Variants in AFF3 observed in about 807,000 individuals in gnomAD.
AFF3 encodes the protein ALF transcription elongation factor 3.
AFF3 carries 32 observed loss-of-function variants against 129.7 expected under a neutral mutation model. The ratio of observed to expected loss-of-function variants is 0.25; its 90% CI spans 0.19 to 0.33. The LOEUF is 0.33. Among genes scored for constraint, AFF3 ranks in the 10% least tolerant of loss-of-function variants. The pLI is 1.00. For synonymous variants in AFF3, 644 were observed against 635.4 expected (o/e 1.01, Z -0.20); for missense variants, 1,373 against 1,592.0 (o/e 0.86, Z 2.34).
chr2:99,567,951 AAGAGCT>A (rs1457565752), intron 19 of AFF3, among the ~76,000 whole-genome samples: 1 of 152,208 alleles, frequency 6.6e-6, no homozygotes, highest in Non-Finnish European at 1.5e-5. Flanking sequence ...TTGTGTGGAC[AAGAGCT>A]GTACCTTCCG....
rs137881078 is a variant in AFF3 at position 99,975,659 on chromosome 2, G to A, written c.873+30973C>T. Among the ~76,000 whole-genome samples the A allele has an allele frequency of 6.5e-3, 983 of 151,838 alleles. 9 individuals carry two copies. The highest frequency in any genetic ancestry group is 0.01 in the Non-Finnish European group (711 of 67,966). On this transcript the variant is annotated intron_variant, in intron 7 of 24. Transcript: ENST00000672756. ...TTACTGCACCAGTGTTTGGAGCTCA[G>A]CAGCTGAGATGGGGTGAGTAACACA...
intron 8 of AFF3, among the ~76,000 whole-genome samples, chr2:99,826,266 C>T (rs1318086601): frequency 5.3e-5 from 8 of 152,132 alleles, no homozygotes; most frequent in African/African-American, 1.2e-4. Flanking sequence ...CCACCTGCCT[C>T]GGCCTCCCAA....
chr2:99,983,835 G>A (rs1679618316), intron 7 of AFF3, among the ~76,000 whole-genome samples: 2 of 152,030 alleles, frequency 1.3e-5, no homozygotes, highest in Non-Finnish European at 2.9e-5. Context: ...TTGTACTACA[G>A]AGCTCCGAAA....
chr2:99,881,505 A>G (rs1692715422), intron 7 of AFF3, among the ~76,000 whole-genome samples: 1 of 151,870 alleles, frequency 6.6e-6, no homozygotes, highest in Admixed American at 6.6e-5. Flanking sequence ...GTACTTGAAC[A>G]CTTTATGGGG....
chr2:100,125,399 A>G (rs1350347073), intron 2 of AFF3, among the ~76,000 whole-genome samples: 1 of 152,204 alleles, frequency 6.6e-6, no homozygotes, highest in Non-Finnish European at 1.5e-5. Context: ...GCAAGACCAG[A>G]AGAATAGAGA....
chr2:100,133,777 A>G (rs1259816891), intron 1 of AFF3, among the ~76,000 whole-genome samples: 3 of 152,078 alleles, frequency 2.0e-5, no homozygotes, highest in Non-Finnish European at 4.4e-5. Flanking sequence ...CTAAACATAC[A>G]CAAAAATTAC....
intron 11 of AFF3, among the ~76,000 whole-genome samples, chr2:99,714,120 C>T (rs1444208028): frequency 6.6e-6 from 1 of 152,202 alleles, no homozygotes; most frequent in Admixed American, 6.5e-5. Flanking sequence ...TCATTTCCAA[C>T]AGACATTCCT....
chr2:100,117,294 A>G (rs762011389), intron 2 of AFF3, among the ~76,000 whole-genome samples: 3 of 152,040 alleles, frequency 2.0e-5, no homozygotes, highest in Non-Finnish European at 4.4e-5. Flanking sequence ...CTGTCTTTCT[A>G]TCTTTTACTT....
At chr2:100,128,885 G>A (rs935611784) in intron 2 of AFF3, among the ~76,000 whole-genome samples, 3 of 152,142 alleles carry the variant, frequency 2.0e-5, no homozygotes, top group Non-Finnish European at 2.9e-5. Context: ...GTCTCAGCAC[G>A]GAGATATTTA....
intron 7 of AFF3, among the ~76,000 whole-genome samples, chr2:99,955,266 G>A (rs1676530431): frequency 6.6e-6 from 1 of 152,140 alleles, no homozygotes; most frequent in Non-Finnish European, 1.5e-5. Flanking sequence ...ACAAAGCACA[G>A]CACTCCTATT....
intron 18 of AFF3, among the ~76,000 whole-genome samples, chr2:99,575,536 C>T (rs1454939470): frequency 4.6e-4 from 69 of 151,646 alleles, no homozygotes; most frequent in Non-Finnish European, 1.5e-5. Flanking sequence ...GCTGGGATTA[C>T]AGGCATGAGC....
intron 8 of AFF3, among the ~76,000 whole-genome samples, chr2:99,803,906 T>C (rs140097623): frequency 8.5e-5 from 13 of 152,218 alleles, no homozygotes; most frequent in African/African-American, 3.1e-4. Flanking sequence ...TGGATTCTTA[T>C]CTCTAACCAT....
chr2:99,576,649 G>A (rs1677028000), intron 18 of AFF3, among the ~76,000 whole-genome samples: 2 of 151,660 alleles, frequency 1.3e-5, no homozygotes, highest in African/African-American at 4.9e-5. Flanking sequence ...ATATGTGTTT[G>A]TATTTTGTGT....
intron 11 of AFF3, among the ~76,000 whole-genome samples, chr2:99,679,987 C>T (rs756170005): frequency 1.1e-4 from 16 of 152,318 alleles, no homozygotes; most frequent in Admixed American, 2.6e-4. Flanking sequence ...TCAAGTGTCT[C>T]ACTGTTTACT....
At chr2:99,837,729 G>T (rs181009743) in intron 7 of AFF3, among the ~76,000 whole-genome samples, 1 of 152,128 alleles carries the variant, frequency 6.6e-6, no homozygotes, top group Admixed American at 6.5e-5. Context: ...TCTCTGGCTG[G>T]AGCACCACAC....
chr2:99,569,973 G>A (rs748304363), intron 18 of AFF3, among the ~76,000 whole-genome samples: 6 of 152,134 alleles, frequency 3.9e-5, no homozygotes, highest in Non-Finnish European at 8.8e-5. Flanking sequence ...AGGTCAAAAC[G>A]CTTAGAAAAG....
intron 8 of AFF3, among the ~76,000 whole-genome samples, chr2:99,798,433 C>T (rs957487631): frequency 1.3e-5 from 2 of 151,678 alleles, no homozygotes; most frequent in African/African-American, 4.8e-5. Flanking sequence ...GTCTATTTTC[C>T]ATCCTGTTTT....
At chr2:99,912,350 T>C (rs1695159360) in intron 7 of AFF3, among the ~76,000 whole-genome samples, 1 of 152,202 alleles carries the variant, frequency 6.6e-6, no homozygotes, top group South Asian at 2.1e-4. Context: ...ACTTGGTAAT[T>C]TGCATTGGTA....
intron 4 of AFF3, among the ~76,000 whole-genome samples, chr2:100,015,448 G>T (rs1180050228): frequency 6.6e-6 from 1 of 152,156 alleles, no homozygotes; most frequent in African/African-American, 2.4e-5. Flanking sequence ...AAGGAGGAGA[G>T]AAGAACGTTC....
Sources: allele counts gnomAD v4.1 joint callset (sites outside exome capture counted in the v4.1 genomes callset), GRCh38; gene constraint gnomAD v4.1.1; transcripts MANE v1.5; gene names NCBI Gene and HGNC (gene_info 2026-07-23, HGNC 2026-07-21).